THRAP3: variants seen among roughly 807,000 people sequenced by gnomAD.
THRAP3 encodes thyroid hormone receptor associated protein 3.
Under a neutral mutation model 101.0 loss-of-function variants are expected in THRAP3, and 16 were observed. That is an observed-to-expected ratio of 0.16 (90% CI 0.11 to 0.24). THRAP3 has a LOEUF of 0.24. Ranked by LOEUF, THRAP3 falls within the 10% of genes least tolerant of loss-of-function variation. THRAP3 has a pLI of 1.00. For missense variants in THRAP3, 989 were observed against 1,202.7 expected (o/e 0.82, Z 2.63); for synonymous variants, 407 against 422.6 (o/e 0.96, Z 0.45).
the THRAP3 span, among the ~76,000 whole-genome samples, chr1:36,216,610 G>A: frequency 7.2e-5 from 11 of 151,804 alleles, no homozygotes; most frequent in Admixed American, 7.2e-4. Context: ...GACCAGCCTG[G>A]CCAAAAACAA....
chr1:36,229,853 T>C (rs1339012777), intron 1 of THRAP3, among the ~76,000 whole-genome samples: 2 of 151,530 alleles, frequency 1.3e-5, no homozygotes, highest in South Asian at 2.1e-4. Context: ...GGTTTCTCCA[T>C]GTTGGTCAGG....
At position 36,247,904 on chromosome 1, in the gene THRAP3, T is replaced by C. The variant is rs374795981; in HGVS notation, c.-134-11478T>C. On this transcript the variant is annotated intron_variant, in intron 1 of 11. Transcript: ENST00000354618. ...TTTTTTTTTTTTGGGAGATGGAGTC[T>C]TGCTCTGTCACCCCGCCCAGGCTGG... is the stretch of plus-strand genomic sequence containing the variant. Among the ~76,000 whole-genome samples, 275 of 148,996 alleles carry C rather than the reference T, an allele frequency of 1.8e-3. 4 individuals carry two copies. The highest frequency in any genetic ancestry group is 4.1e-3 in the Admixed American group (62 of 14,948).
chr1:36,236,710 G>A (rs979627845), intron 1 of THRAP3, among the ~76,000 whole-genome samples: 2 of 152,124 alleles, frequency 1.3e-5, no homozygotes, highest in African/African-American at 4.8e-5. Context: ...TGTCATTTAT[G>A]TATCACCATT....
upstream of THRAP3, among the ~76,000 whole-genome samples, chr1:36,221,557 C>T (rs1644902985): frequency 6.6e-6 from 1 of 152,192 alleles, no homozygotes; most frequent in African/African-American, 2.4e-5. Flanking sequence ...CCTCCACCAG[C>T]AAAAAGTGAC....
chr1:36,266,095 A>C (rs921619273), intron 2 of THRAP3, among the ~76,000 whole-genome samples: 1 of 150,864 alleles, frequency 6.6e-6, no homozygotes, highest in African/African-American at 2.4e-5. Flanking sequence ...TGGAGGTTGC[A>C]GTGAGCTGAG....
At chr1:36,207,763 G>A in the THRAP3 span, among the ~76,000 whole-genome samples, 4 of 152,072 alleles carry the variant, frequency 2.6e-5, no homozygotes, top group Non-Finnish European at 5.9e-5. Flanking sequence ...GAGACATTCT[G>A]GCTAGACTTC....
chr1:36,241,397 A>G (rs1186193353), intron 1 of THRAP3, among the ~76,000 whole-genome samples: 1 of 8,402 alleles, frequency 1.2e-4, no homozygotes, highest in African/African-American at 1.6e-4. Flanking sequence ...ATATATATAT[A>G]TATATATATA....
chr1:36,301,105 C>G (rs778538654), intron 10 of THRAP3, 21 bp downstream of exon 10: 14 of 1,609,902 alleles, frequency 8.7e-6, no homozygotes, highest in Non-Finnish European at 1.2e-5. Flanking sequence ...CCCCTCTCCC[C>G]CTTTCTCTGA....
At chr1:36,245,634 T>C (rs572562541) in intron 1 of THRAP3, among the ~76,000 whole-genome samples, 1 of 152,272 alleles carries the variant, frequency 6.6e-6, no homozygotes, top group East Asian at 1.9e-4. Flanking sequence ...CCCAACAGTT[T>C]GCCTGCTTAG....
the THRAP3 span, among the ~76,000 whole-genome samples, chr1:36,212,282 A>C: frequency 6.6e-6 from 1 of 152,068 alleles, no homozygotes; most frequent in African/African-American, 2.4e-5. Context: ...TGCTCATTCC[A>C]TCTGCTATCC....
intron 2 of THRAP3, among the ~76,000 whole-genome samples, chr1:36,275,942 C>G (rs1645653905): frequency 6.6e-6 from 1 of 151,980 alleles, no homozygotes; most frequent in East Asian, 1.9e-4. Context: ...TCACTTGAGC[C>G]CAGGAAACTG....
At chr1:36,220,496 G>C (rs1316858568), upstream of THRAP3, among the ~76,000 whole-genome samples, 8 of 151,854 alleles carry the variant, frequency 5.3e-5, no homozygotes, top group Non-Finnish European at 1.2e-4. Flanking sequence ...GTCAAAAAAT[G>C]GTTTACGATA....
At chr1:36,251,250 T>G (rs551204588) in intron 1 of THRAP3, among the ~76,000 whole-genome samples, 1 of 152,154 alleles carries the variant, frequency 6.6e-6, no homozygotes, top group African/African-American at 2.4e-5. Context: ...ATAAAAGTTT[T>G]GTAATGTGAT....
the THRAP3 span, among the ~76,000 whole-genome samples, chr1:36,215,518 A>C: frequency 6.6e-6 from 1 of 152,108 alleles, no homozygotes; most frequent in Non-Finnish European, 1.5e-5. Flanking sequence ...TCATTCCCTT[A>C]AGGAAGCATC....
chr1:36,261,747 G>T (rs910632368), intron 2 of THRAP3, among the ~76,000 whole-genome samples: 4 of 152,090 alleles, frequency 2.6e-5, no homozygotes, highest in African/African-American at 9.7e-5. Context: ...AACCGGTCGG[G>T]TTCTCCTTGA....
intron 2 of THRAP3, among the ~76,000 whole-genome samples, chr1:36,264,948 A>G (rs1645494406): frequency 6.6e-6 from 1 of 152,174 alleles, no homozygotes; most frequent in African/African-American, 2.4e-5. Context: ...CCATGACAGA[A>G]GGATCTGTTC....
In THRAP3 at chr1:36,299,954, C is replaced by T. The variant is rs1302692624; in HGVS notation, c.2304-932C>T. 5.9e-5 allele frequency among the ~76,000 whole-genome samples: 9 copies of T among 152,178 alleles called. No individual in the cohort carries two copies. The South Asian group carries it at 1.7e-3, about 28-fold the overall frequency. On this transcript the variant is annotated intron_variant, in intron 9 of 11. Transcript: ENST00000354618. The stretch of plus-strand genomic sequence containing the variant: ...TGGGTGAGGAGCAGGGAGCATGATG[C>T]CTTTCATAATGGAAGACTGAGGGAG...
chr1:36,234,651 A>G (rs1230181444), intron 1 of THRAP3, among the ~76,000 whole-genome samples: 1 of 152,150 alleles, frequency 6.6e-6, no homozygotes, highest in African/African-American at 2.4e-5. Context: ...ATCTTGCTTC[A>G]GAAGAACTTA....
At chr1:36,223,886 G>A (rs1474232220), upstream of THRAP3, among the ~76,000 whole-genome samples, 1 of 152,160 alleles carries the variant, frequency 6.6e-6, no homozygotes. Context: ...CGCTTTCAGG[G>A]TGCTTGAGGC....
Sources: allele counts gnomAD v4.1 joint callset (sites outside exome capture counted in the v4.1 genomes callset), GRCh38; gene constraint gnomAD v4.1.1; transcripts MANE v1.5; gene names NCBI Gene and HGNC (gene_info 2026-07-23, HGNC 2026-07-21).